The following ITPR2 variants were observed in gnomAD, a reference collection of about 807,000 sequenced individuals.
ITPR2 encodes the protein inositol 1,4,5-trisphosphate-gated calcium channel ITPR2.
In ITPR2, 207 loss-of-function variants were observed where a neutral mutation model predicts 317.1. The observed-to-expected ratio is 0.65, with a 90% CI of 0.58 to 0.73. The LOEUF is 0.73. ITPR2 is among the 30% of genes least tolerant of loss of function. ITPR2 has a pLI of 0.00. For synonymous variants in ITPR2, 1,156 were observed against 1,149.1 expected (o/e 1.01, Z -0.12); for missense variants, 2,613 against 3,284.0 (o/e 0.80, Z 4.99).
intron 5 of ITPR2, chr12:26,721,285 C>T: frequency 1.7e-6 from 1 of 591,394 alleles, no homozygotes; most frequent in Non-Finnish European, 3.2e-6. Flanking sequence ...CCAAACCTTA[C>T]CAAAGGAAGA....
chr12:26,561,597 T>C (rs554585730), intron 35 of ITPR2, among the ~76,000 whole-genome samples, 165 bp downstream of exon 35: 1 of 152,302 alleles, frequency 6.6e-6, no homozygotes, highest in Non-Finnish European at 1.5e-5. Context: ...TCACGACATA[T>C]GGAAGCTATA....
intron 55 of ITPR2, among the ~76,000 whole-genome samples, chr12:26,343,741 G>A (rs1300537646): frequency 6.6e-6 from 1 of 152,114 alleles, no homozygotes; most frequent in Non-Finnish European, 1.5e-5. Context: ...GATAGGATGG[G>A]AAGGATTAGA....
intron 26 of ITPR2, among the ~76,000 whole-genome samples, chr12:26,605,612 A>T (rs953322760): frequency 6.6e-6 from 1 of 152,254 alleles, no homozygotes. Flanking sequence ...TAATCTGAAG[A>T]AAAAGCAACT....
chr12:26,715,595 T>G, intron 7 of ITPR2, 150 bp from the exon 8 acceptor site: 1 of 835,850 alleles, frequency 1.2e-6, no homozygotes. Context: ...TTTAAAAATG[T>G]GGGGGGGAAA....
chr12:26,823,047 G>T (rs1950961546), intron 1 of ITPR2, among the ~76,000 whole-genome samples: 1 of 151,976 alleles, frequency 6.6e-6, no homozygotes, highest in South Asian at 2.1e-4. Flanking sequence ...ATCCTTCCAA[G>T]TTCAGCGAAA....
chr12:26,648,649 A>C (rs1271770113), intron 21 of ITPR2: 1 of 152,078 alleles, frequency 6.6e-6, no homozygotes, highest in Non-Finnish European at 1.5e-5. Context: ...AATCATTTAG[A>C]TATCAAAGAG....
At chr12:26,814,758 T>C (rs575558430) in intron 1 of ITPR2, among the ~76,000 whole-genome samples, 64 of 152,312 alleles carry the variant, frequency 4.2e-4, no homozygotes, top group Admixed American at 1.7e-3. Flanking sequence ...TCTCCTTTTA[T>C]GGCACAATTA....
At chr12:26,595,414 A>G (rs769177848) in intron 32 of ITPR2, 51 bp downstream of exon 32, 5 of 1,555,000 alleles carry the variant, frequency 3.2e-6, no homozygotes, top group Non-Finnish European at 4.4e-6. Context: ...GCTTAATACT[A>G]TTTAGTCGAA....
At chr12:26,818,699 T>C (rs529635179) in intron 1 of ITPR2, among the ~76,000 whole-genome samples, 1 of 143,762 alleles carries the variant, frequency 7.0e-6, no homozygotes, top group Non-Finnish European at 1.5e-5. Context: ...ACAAAATTCC[T>C]TTTTTTTTTT....
At chr12:26,527,044 C>A (rs2136951489) in intron 37 of ITPR2, among the ~76,000 whole-genome samples, 1 of 152,282 alleles carries the variant, frequency 6.6e-6, no homozygotes. Flanking sequence ...TCTATTCCTG[C>A]AAAGTTAACA....
intron 1 of ITPR2, among the ~76,000 whole-genome samples, chr12:26,808,388 A>G (rs1376602964): frequency 6.6e-6 from 1 of 152,240 alleles, no homozygotes; most frequent in Non-Finnish European, 1.5e-5. Flanking sequence ...CAAGTAACCA[A>G]AAAAATCCAT....
chr12:26,414,448 T>G (rs1320344527), intron 51 of ITPR2, among the ~76,000 whole-genome samples: 1 of 152,182 alleles, frequency 6.6e-6, no homozygotes, highest in Non-Finnish European at 1.5e-5. Context: ...AGAAAGAGTG[T>G]CATATTTTGG....
intron 13 of ITPR2, among the ~76,000 whole-genome samples, chr12:26,666,926 G>A (rs189733854): frequency 1.3e-4 from 20 of 152,234 alleles, no homozygotes; most frequent in African/African-American, 4.6e-4. Flanking sequence ...TTGCAAAAAT[G>A]GGTAAACAGA....
In ITPR2 at chr12:26,336,173, T is replaced by G. The variant is rs113062362; in HGVS notation, c.*3224A>C. On this transcript the variant is annotated 3_prime_UTR_variant, in exon 57 of 57. Transcript: ENST00000381340. Reference sequence around the variant, plus strand: ...CTCCTTTTCTCTAATGATAGAGTACTGGGAAGCAGAAATCCCTATCTCCAC... The same window carrying G: ...CTCCTTTTCTCTAATGATAGAGTACGGGGAAGCAGAAATCCCTATCTCCAC... Among the ~76,000 whole-genome samples, 1 of 152,310 alleles carries G rather than the reference T, an allele frequency of 6.6e-6. No individual in the cohort carries two copies. The highest frequency in any genetic ancestry group is 1.9e-4 in the East Asian group (1 of 5,184).
At position 26,486,267 on chromosome 12, in the gene ITPR2, C is replaced by A; in HGVS notation, c.5648G>T (p.Arg1883Ile). The change falls in exon 41 of 57, where the codon AGA becomes ATA. Residue 1883 changes from arginine to isoleucine, a missense_variant. By Grantham distance (97) the Arg-to-Ile change is moderately conservative (BLOSUM62 -3). Coordinates refer to ENST00000381340, the MANE Select transcript of ITPR2 (RefSeq NM_002223.4). The stretch of plus-strand genomic sequence containing the variant: ...AATGTCTATTTCTGGATCCATTTCT[C>A]TTCTGTATACACAATATGCTTTGGA... ...ATSKAYCVYR[R>I]EMDPEIDIMC... The A allele has an allele frequency of 6.2e-7, 1 of 1,614,140 alleles. No individual in the cohort carries two copies. Among genetic ancestry groups the A allele is most frequent in the Non-Finnish European group, 8.5e-7 (1 of 1,179,992 alleles).
intron 15 of ITPR2, 63 bp from the exon 16 acceptor site, chr12:26,659,348 A>C (rs1947445349): frequency 3.7e-6 from 5 of 1,361,266 alleles, no homozygotes; most frequent in Non-Finnish European, 5.2e-6. Context: ...AGGTTCTATT[A>C]GGGTCAACAA....
intron 36 of ITPR2, among the ~76,000 whole-genome samples, chr12:26,554,956 T>C (rs965880459): frequency 6.6e-6 from 1 of 152,150 alleles, no homozygotes; most frequent in African/African-American, 2.4e-5. Context: ...CACTTAAAAT[T>C]TTCTTTCTAC....
rs868063124 is a variant in ITPR2, at chr12:26,605,098, A to T, written c.3463-2392T>A. On this transcript the variant is annotated intron_variant, in intron 26 of 56. Transcript: ENST00000381340. ...GCATGACTCAGTCTCAAAAAAAAAA[A>T]AAATAAAAATAAAAAATAAAAAATA... Among the ~76,000 whole-genome samples the T allele has an allele frequency of 1.7e-3, 185 of 107,180 alleles. 3 individuals are homozygous for T. Among genetic ancestry groups the T allele is most frequent in the Middle Eastern group, 0.011 (2 of 186 alleles). The allele number at this position is 107,180 out of a possible 152,430, so 70.3% of individuals were successfully genotyped here. A position where few individuals can be genotyped will look rare whatever the true frequency, so the allele number is the denominator to read the frequency against.
Position 26,616,432 on chromosome 12 carries a change from C to T in ITPR2, c.3462+4691G>A, listed in dbSNP as rs561200654. On this transcript the variant is annotated intron_variant, in intron 26 of 56. Transcript: ENST00000381340. ...GATTACAGGCATGAGCCACCGTGCC[C>T]GGCCGCATGTGGAAATTTAAAAACT... is the stretch of plus-strand genomic sequence containing the variant. Among the ~76,000 whole-genome samples the T allele has an allele frequency of 2.9e-4, 44 of 152,164 alleles. No individual in the cohort carries two copies. In the East Asian group the frequency reaches 3.7e-3, roughly 13 times the overall value.
Sources: gnomAD v4.1 joint callset for allele counts (sites outside exome capture counted in the v4.1 genomes callset) on GRCh38, gnomAD v4.1.1 for gene constraint, MANE v1.5 for transcripts, NCBI Gene and HGNC (gene_info 2026-07-23, HGNC 2026-07-21) for gene names.